Variants in RIPK2 observed in about 807,000 individuals in gnomAD.
The protein encoded by RIPK2 is receptor interacting serine/threonine kinase 2, also known as receptor-interacting serine/threonine-protein kinase 2.
In RIPK2, 38 loss-of-function variants were observed where a neutral mutation model predicts 60.9. That is an observed-to-expected ratio of 0.62 (90% CI 0.48 to 0.82). The LOEUF is 0.82. Among genes scored for constraint, RIPK2 ranks in the 40% least tolerant of loss-of-function variants. The probability of loss-of-function intolerance (pLI) is 0.00; values close to 1 mark genes in which losing one functional copy is unlikely to be tolerated. For synonymous variants in RIPK2, 225 were observed against 223.4 expected (o/e 1.01, Z -0.06); for missense variants, 518 against 647.0 (o/e 0.80, Z 2.16).
chr8:89,764,252 CT>C (rs2130546590), intron 2 of RIPK2, among the ~76,000 whole-genome samples: 1 of 152,272 alleles, frequency 6.6e-6, no homozygotes, highest in Non-Finnish European at 1.5e-5. Context: ...TCCACGTCAG[CT>C]TTTTGTGTTT....
chr8:89,758,066 C>A lies in RIPK2; in HGVS notation c.6C>A (p.Asn2Lys). 6.3e-7 allele frequency: 1 copy of A among 1,598,164 alleles called. No homozygotes were observed. The highest frequency in any genetic ancestry group is 8.5e-7 in the Non-Finnish European group (1 of 1,172,666). The change falls in exon 1 of 11, where the codon AAC (asparagine) becomes AAA (lysine). Residue 2 changes from asparagine to lysine, a missense_variant. Physicochemically the swap from Asn to Lys is moderately conservative, Grantham distance 94. Around this residue, in one of 3 missense-constraint regions of RIPK2, gnomAD observed 448 missense variants for 534.7 expected, o/e 0.84. Transcript: ENST00000220751. M[N>K]GEAICSALPT... is the part of the protein sequence containing the mutation. Reference sequence around the variant, plus strand: ...CGGCCTGAGCGCCCGGGACCATGAACGGGGAGGCCATCTGCAGCGCCCTGC... The same window carrying A: ...CGGCCTGAGCGCCCGGGACCATGAAAGGGGAGGCCATCTGCAGCGCCCTGC...
intron 3 of RIPK2, among the ~76,000 whole-genome samples, chr8:89,767,082 C>A (rs964533640): frequency 6.6e-6 from 1 of 151,754 alleles, no homozygotes; most frequent in Non-Finnish European, 1.5e-5. Flanking sequence ...GTTCTACTTA[C>A]TGAAGATTTC....
chr8:89,788,807 A>AGAGG (rs1456145054), intron 9 of RIPK2, among the ~76,000 whole-genome samples: 7 of 149,206 alleles, frequency 4.7e-5, no homozygotes, highest in Admixed American at 2.7e-4. Flanking sequence ...AGAGAGAGAG[A>AGAGG]GAGGGAGGGA....
chr8:89,766,919 T>G (rs1476612773), intron 3 of RIPK2, among the ~76,000 whole-genome samples: 4 of 151,692 alleles, frequency 2.6e-5, no homozygotes, highest in African/African-American at 4.8e-5. Flanking sequence ...TCATCAGATA[T>G]GTAGTTTGCA....
At chr8:89,774,740 T>A (rs1203583834) in intron 6 of RIPK2, among the ~76,000 whole-genome samples, 1 of 152,136 alleles carries the variant, frequency 6.6e-6, no homozygotes, top group Non-Finnish European at 1.5e-5. Flanking sequence ...TAGTCTGGAC[T>A]GGTTCATCTA....
At chr8:89,770,344 T>C (rs986482503) in intron 4 of RIPK2, among the ~76,000 whole-genome samples, 6 of 151,918 alleles carry the variant, frequency 3.9e-5, no homozygotes, top group African/African-American at 1.4e-4. Context: ...GGGATATTTC[T>C]ATTTAAAGAA....
intron 2 of RIPK2, 51 bp from the exon 3 acceptor site, chr8:89,765,290 T>C: frequency 7.7e-7 from 1 of 1,298,944 alleles, no homozygotes; most frequent in Non-Finnish European, 1.1e-6. Flanking sequence ...GTGTGAAACA[T>C]AGTGAAATTT....
intron 5 of RIPK2, among the ~76,000 whole-genome samples, chr8:89,772,133 C>T (rs1809324405): frequency 6.6e-6 from 1 of 151,886 alleles, no homozygotes; most frequent in South Asian, 2.1e-4. Context: ...TTACTATTTC[C>T]AAGTTCTAGT....
intron 9 of RIPK2, among the ~76,000 whole-genome samples, chr8:89,788,637 T>G (rs1809624794): frequency 6.6e-6 from 1 of 151,914 alleles, no homozygotes; most frequent in African/African-American, 2.4e-5. Flanking sequence ...ATTAGCCAGT[T>G]GTGGTAGCAT....
chr8:89,771,519 G>A lies in RIPK2; in HGVS notation c.642-222G>A, dbSNP rs189388503. On this transcript the variant is annotated intron_variant, in intron 4 of 10. Transcript: ENST00000220751. ...ACAAAAAGTTAATCTTGCATGTAACGTTAAGCTTGTATTACAGTAATTTCC... is the reference window on the plus strand; with the variant it reads ...ACAAAAAGTTAATCTTGCATGTAACATTAAGCTTGTATTACAGTAATTTCC... Among the ~76,000 whole-genome samples, 1,121 of 151,984 alleles carry A rather than the reference G, an allele frequency of 7.4e-3. 12 individuals carry two copies. The highest frequency in any genetic ancestry group is 0.026 in the African/African-American group (1,062 of 41,520).
intron 2 of RIPK2, among the ~76,000 whole-genome samples, chr8:89,764,654 A>C (rs1013039190): frequency 6.6e-6 from 1 of 152,152 alleles, no homozygotes; most frequent in African/African-American, 2.4e-5. Flanking sequence ...AGTACTATGA[A>C]AAATAAAATG....
intron 2 of RIPK2, among the ~76,000 whole-genome samples, chr8:89,764,318 C>A (rs1809191635): frequency 6.6e-6 from 1 of 152,090 alleles, no homozygotes. Flanking sequence ...GAAGTGCCCT[C>A]CCCCAACCTC....
intron 6 of RIPK2, among the ~76,000 whole-genome samples, chr8:89,774,355 A>T (rs1281866896): frequency 2.0e-5 from 3 of 152,212 alleles, no homozygotes; most frequent in Non-Finnish European, 4.4e-5. Flanking sequence ...TTACCACTTC[A>T]TACCCACAAA....
intron 7 of RIPK2, among the ~76,000 whole-genome samples, chr8:89,783,031 G>T (rs1011581417): frequency 2.6e-5 from 4 of 152,184 alleles, no homozygotes; most frequent in Non-Finnish European, 5.9e-5. Flanking sequence ...TTATTGAACT[G>T]CTGTGTATAA....
At position 89,784,098 on chromosome 8, in the gene RIPK2, GAATT is replaced by G; in HGVS notation, c.990_993del (p.Glu330AspfsTer3). ...TCACCTATGTGACAAGAAGAAAATG[GAATT>G]ATCTCTGAACATACCTGTAAATCAT... On this transcript the variant is annotated frameshift_variant, in exon 8 of 11. Coordinates refer to ENST00000220751, the MANE Select transcript of RIPK2 (RefSeq NM_003821.6). LOFTEE classifies it high-confidence loss of function. 7.0e-7 allele frequency: 1 copy of G among 1,432,798 alleles called. No individual in the cohort carries two copies. The allele number at this position is 1,432,798 out of a possible 1,614,324, so 88.8% of individuals were successfully genotyped here. A position where few individuals can be genotyped will look rare whatever the true frequency, so the allele number is the denominator to read the frequency against.
At chr8:89,779,977 G>A (rs1475703032) in intron 6 of RIPK2, 98 bp from the exon 7 acceptor site, 1 of 635,372 alleles carries the variant, frequency 1.6e-6, no homozygotes, top group East Asian at 3.2e-5. Context: ...TCACTTTGGG[G>A]AAAAACTGAC....
chr8:89,783,988 A>T, intron 7 of RIPK2, 62 bp from the exon 8 acceptor site: 1 of 877,050 alleles, frequency 1.1e-6, no homozygotes, highest in Middle Eastern at 3.4e-4. Flanking sequence ...ATTGTATTTT[A>T]CTTCTATAAT....
intron 3 of RIPK2, among the ~76,000 whole-genome samples, chr8:89,769,008 A>C (rs1387689445): frequency 1.3e-5 from 2 of 151,752 alleles, no homozygotes; most frequent in Admixed American, 1.3e-4. Flanking sequence ...CTGTTCTTAC[A>C]TTTTGTCTTA....
intron 3 of RIPK2, among the ~76,000 whole-genome samples, chr8:89,768,666 A>G (rs910670989): frequency 6.6e-6 from 1 of 151,660 alleles, no homozygotes. Context: ...TTTTCTGTGA[A>G]TTCAATTTTA....
Sources: allele counts gnomAD v4.1 joint callset (sites outside exome capture counted in the v4.1 genomes callset), GRCh38; gene constraint gnomAD v4.1.1; regional missense constraint gnomAD v4.1.1; transcripts MANE v1.5; gene names NCBI Gene and HGNC (gene_info 2026-07-23, HGNC 2026-07-21).